SACS: variants seen among roughly 807,000 people sequenced by gnomAD.
The protein encoded by SACS is sacsin molecular chaperone, also known as sacsin.
SACS carries 197 observed loss-of-function variants against 348.0 expected under a neutral mutation model. The ratio of observed to expected loss-of-function variants is 0.57; its 90% CI spans 0.50 to 0.64. The LOEUF (loss-of-function observed/expected upper bound fraction) is 0.64, where lower values mean the gene tolerates loss of function less well. Among genes scored for constraint, SACS ranks in the 30% least tolerant of loss-of-function variants. The probability of loss-of-function intolerance (pLI) is 0.00; values close to 1 mark genes in which losing one functional copy is unlikely to be tolerated. For missense variants in SACS, 4,999 were observed against 5,360.8 expected (o/e 0.93, Z 2.11); for synonymous variants, 1,985 against 1,910.6 (o/e 1.04, Z -1.02).
At chr13:23,417,753 C>A (rs1305555839) in intron 1 of SACS, among the ~76,000 whole-genome samples, 4 of 151,894 alleles carry the variant, frequency 2.6e-5, no homozygotes, top group Admixed American at 2.6e-4. Flanking sequence ...AAGCAGTAAC[C>A]CTCAAGGAAA....
At position 23,332,937 on chromosome 13, in the gene SACS, C is replaced by A. The variant is rs1156566314; in HGVS notation, c.10939G>T (p.Glu3647Ter). 4 of 1,613,752 alleles carry A rather than the reference C, an allele frequency of 2.5e-6. No homozygotes were observed. In the African/African-American group the frequency reaches 5.3e-5, roughly 22 times the overall value. Residue 3647 changes from glutamate to a stop codon, truncating the protein, a stop_gained, in exon 10 of 10, where the codon GAA (glutamate) becomes TAA (stop). Transcript: ENST00000382292. LOFTEE classifies it high-confidence loss of function. ...CATAAGAATGGTATTAAAGATAGTT[C>A]TTTCAGAAAATTTCCAGATAACAAA... ...MDLLSGNFLK[E>*]LSLIPFLCPE...
At chr13:23,431,946 A>C (rs1874448983) in intron 1 of SACS, among the ~76,000 whole-genome samples, 1 of 152,216 alleles carries the variant, frequency 6.6e-6, no homozygotes, top group East Asian at 1.9e-4. Flanking sequence ...GAAAACGACA[A>C]AACTCTTACT....
At position 23,340,467 on chromosome 13, in the gene SACS, T is replaced by C. The variant is rs1266097926; in HGVS notation, c.3409A>G (p.Lys1137Glu). The C allele has an allele frequency of 6.2e-7, 1 of 1,613,628 alleles. No homozygotes were observed. Among genetic ancestry groups the C allele is most frequent in the Non-Finnish European group, 8.5e-7 (1 of 1,179,858 alleles). Residue 1137 changes from lysine to glutamate, a missense_variant, in exon 10 of 10, where the codon AAG becomes GAG. By Grantham distance (56) the Lys-to-Glu change is moderately conservative. Coordinates refer to ENST00000382292, the MANE Select transcript of SACS (RefSeq NM_014363.6). ...KAKTLLLVLNKNHTLLQSSEG... is the reference protein window; with the variant it reads ...KAKTLLLVLNENHTLLQSSEG... ...GATGATTGCAACAGTGTGTGATTCT[T>C]ATTTAAAACCAGTAAGAGGGTTTTG... is the stretch of plus-strand genomic sequence containing the variant.
intron 9 of SACS, 150 bp from the exon 10 acceptor site, chr13:23,341,840 G>A: frequency 1.5e-6 from 1 of 677,434 alleles, no homozygotes; most frequent in Non-Finnish European, 2.3e-6. Flanking sequence ...AGGCTGGAGT[G>A]CAGTAGCACA....
intron 2 of SACS, among the ~76,000 whole-genome samples, chr13:23,377,855 C>G (rs1315337615): frequency 6.6e-6 from 1 of 152,212 alleles, no homozygotes; most frequent in Non-Finnish European, 1.5e-5. Flanking sequence ...CTCCAACATC[C>G]CTGCCTGGCA....
At position 23,338,908 on chromosome 13, in the gene SACS, C is replaced by G; in HGVS notation, c.4968G>C (p.Val1656=). ...TGTAGCACGTACTACTAACTTCACTCACTTTTGCTTCCTGTTGAGTTCTAA... is the reference window on the plus strand; with the variant it reads ...TGTAGCACGTACTACTAACTTCACTGACTTTTGCTTCCTGTTGAGTTCTAA... The part of the protein sequence containing the change: ...LSFRTQQEAK[V]SEVSSTCYNT... Residue 1656 remains valine (V), a synonymous_variant, in exon 10 of 10, where the codon GTG becomes GTC. Coordinates refer to ENST00000382292, the MANE Select transcript of SACS (RefSeq NM_014363.6). The G allele has an allele frequency of 6.2e-7, 1 of 1,613,084 alleles. No individual in the cohort carries two copies. The highest frequency in any genetic ancestry group is 1.7e-4 in the Middle Eastern group (1 of 6,060).
intron 9 of SACS, among the ~76,000 whole-genome samples, chr13:23,345,775 A>G (rs1869559047): frequency 1.3e-5 from 2 of 152,228 alleles, no homozygotes; most frequent in Non-Finnish European, 2.9e-5. Flanking sequence ...TTAGTGTATC[A>G]CCTGCTTCAA....
In SACS at chr13:23,338,569, ATGG is replaced by A. The variant is rs1555252136; in HGVS notation, c.5304_5306del (p.His1769del). The A allele has an allele frequency of 2.5e-6, 4 of 1,614,070 alleles. No individual in the cohort carries two copies. The highest frequency in any genetic ancestry group is 2.5e-6 in the Non-Finnish European group (3 of 1,179,972). On this transcript the variant is annotated inframe_deletion, in exon 10 of 10. Coordinates refer to ENST00000382292, the MANE Select transcript of SACS (RefSeq NM_014363.6). ...GTAAATCAGCAATCCTTCTGAACAC[ATGG>A]TGAAATTCTTCCACTGTGATCTGAA...
chr13:23,383,593 C>T (rs994305246), intron 2 of SACS, among the ~76,000 whole-genome samples: 1 of 152,108 alleles, frequency 6.6e-6, no homozygotes, highest in Non-Finnish European at 1.5e-5. Context: ...TCTGTTTCCT[C>T]CTGCAGCATC....
rs979550480 is a variant in SACS at position 23,375,371 on chromosome 13, G to T, written c.21-102C>A. 4.0e-6 allele frequency: 5 copies of T among 1,258,186 alleles called. No homozygotes were observed. In the East Asian group the frequency reaches 1.6e-4, roughly 41 times the overall value. 77.9% of individuals were successfully genotyped at this position (1,258,186 alleles called of 1,614,324 possible). On this transcript the variant is annotated intron_variant, in intron 2 of 9. Coordinates refer to ENST00000382292, the MANE Select transcript of SACS (RefSeq NM_014363.6). ...CGTTACCTCTCCCACATCGCGGCGCGGCAGGCGCCCCTAGCGCCCGCCCCT... is the reference window on the plus strand; with the variant it reads ...CGTTACCTCTCCCACATCGCGGCGCTGCAGGCGCCCCTAGCGCCCGCCCCT...
intron 1 of SACS, among the ~76,000 whole-genome samples, chr13:23,430,891 T>G (rs1434438270): frequency 1.3e-5 from 2 of 152,278 alleles, no homozygotes; most frequent in African/African-American, 4.8e-5. Flanking sequence ...CGTGTCACCT[T>G]GGGTTTCACA....
At chr13:23,417,754 C>T (rs191704903) in intron 1 of SACS, among the ~76,000 whole-genome samples, 6 of 152,100 alleles carry the variant, frequency 3.9e-5, no homozygotes, top group East Asian at 1.9e-4. Context: ...AGCAGTAACC[C>T]TCAAGGAAAG....
Position 23,337,565 on chromosome 13 carries a change from C to T in SACS, c.6311G>A (p.Gly2104Glu), listed in dbSNP as rs1868753859. The T allele has an allele frequency of 3.1e-6, 5 of 1,613,842 alleles. No homozygotes were observed. The highest frequency in any genetic ancestry group is 4.2e-6 in the Non-Finnish European group (5 of 1,179,904). Reference protein sequence around the residue: ...VTPCIPCSLEGHPLVLPSRLI... With the variant: ...VTPCIPCSLEEHPLVLPSRLI... The stretch of plus-strand genomic sequence containing the variant: ...TCTTGATGGCAAAACCAAAGGATGC[C>T]CCTCCAAGGAACAAGGAATACATGG... Residue 2104 changes from glycine (G) to glutamate (E), a missense_variant, in exon 10 of 10, where the codon GGG becomes GAG. Physicochemically the swap from Gly to Glu is moderately conservative, Grantham distance 98. Transcript: ENST00000382292.
rs370103461 is a variant in SACS at position 23,341,265 on chromosome 13, G to A, written c.2611C>T (p.Pro871Ser). 5.6e-6 allele frequency: 9 copies of A among 1,613,602 alleles called. No individual in the cohort carries two copies. The highest frequency in any genetic ancestry group is 1.3e-5 in the African/African-American group (1 of 74,918). Residue 871 changes from proline (P) to serine (S), a missense_variant, in exon 10 of 10, where the codon CCA becomes TCA. Pro to Ser is a moderately conservative substitution (Grantham distance 74). Around this residue, in one of 6 missense-constraint regions of SACS, gnomAD observed 3,156 missense variants for 3,380.1 expected, o/e 0.93. Transcript: ENST00000382292. The part of the protein sequence containing the change: ...HPLIKKYIHS[P>S]LPSAVLQIME... ...ATCTGCAAAACAGCACTTGGTAATGGTGAATGAATATATTTTTTAATAAGC... is the reference window on the plus strand; with the variant it reads ...ATCTGCAAAACAGCACTTGGTAATGATGAATGAATATATTTTTTAATAAGC...
At position 23,412,339 on chromosome 13, in the gene SACS, T is replaced by G. The variant is rs1294235587; in HGVS notation, c.-501-599A>C. On this transcript the variant is annotated intron_variant, in intron 1 of 9. Transcript: ENST00000382292. ...CTCTATTTCTCTGACTTCTTCCAAG[T>G]GGCAGTATGTGCTTCACTCACATGT... Among the ~76,000 whole-genome samples, 3 of 151,884 alleles carry G rather than the reference T, an allele frequency of 2.0e-5. No individual in the cohort carries two copies. The East Asian group carries it at 5.8e-4, about 29-fold the overall frequency.
chr13:23,364,711 A>G (rs1870958055), intron 6 of SACS, among the ~76,000 whole-genome samples: 1 of 152,150 alleles, frequency 6.6e-6, no homozygotes, highest in Non-Finnish European at 1.5e-5. Flanking sequence ...CTTTCTTATC[A>G]TGTTTCCTTT....
intron 1 of SACS, among the ~76,000 whole-genome samples, chr13:23,425,325 C>T (rs1874125284): frequency 6.6e-6 from 1 of 151,930 alleles, no homozygotes; most frequent in Admixed American, 6.6e-5. Context: ...TTGTGTCCAC[C>T]TGGGGCCTGG....
In SACS at chr13:23,405,787, A is replaced by T. The variant is rs111430082; in HGVS notation, c.20+5433T>A. ...TTTATGTGGCCAACAAACATTTGAA[A>T]AAAAGCTCATCACTAGCCATTAGAG... On this transcript the variant is annotated intron_variant, in intron 2 of 9. Transcript: ENST00000382292. Among the ~76,000 whole-genome samples, 1,329 of 152,350 alleles carry T rather than the reference A, an allele frequency of 8.7e-3. 16 individuals are homozygous for T. The highest frequency in any genetic ancestry group is 0.03 in the African/African-American group (1,260 of 41,570).
rs574231650 is a variant in SACS at position 23,339,187 on chromosome 13, C to T, written c.4689G>A (p.Val1563=). 2.4e-5 allele frequency: 39 copies of T among 1,612,990 alleles called. No homozygotes were observed. The Admixed American group carries it at 3.2e-4, about 13-fold the overall frequency. ...TGATGGGAATGTCAGTGATATGGTA[C>T]ACAGAATTAAATCCAAGACCAAATT... The part of the protein sequence containing the change: ...VGKFGLGFNS[V]YHITDIPIIM... The change falls in exon 10 of 10, where the codon GTG becomes GTA. Residue 1563 remains valine, a synonymous_variant. Coordinates refer to ENST00000382292, the MANE Select transcript of SACS (RefSeq NM_014363.6).
Sources: gnomAD v4.1 joint callset for allele counts (sites outside exome capture counted in the v4.1 genomes callset) on GRCh38, gnomAD v4.1.1 for gene constraint, gnomAD v4.1.1 regional missense constraint, MANE v1.5 for transcripts, NCBI Gene and HGNC (gene_info 2026-07-23, HGNC 2026-07-21) for gene names.